VTI1A: variants seen among roughly 807,000 people sequenced by gnomAD.
VTI1A encodes vesicle transport through interaction with t-SNAREs homolog 1A.
Under a neutral mutation model 34.9 loss-of-function variants are expected in VTI1A, and 22 were observed. That is an observed-to-expected ratio of 0.63 (90% CI 0.45 to 0.90). The LOEUF (loss-of-function observed/expected upper bound fraction) is 0.90. Among genes scored for constraint, VTI1A ranks in the 40% least tolerant of loss-of-function variants. The pLI, the probability that VTI1A is intolerant of heterozygous loss-of-function variation, is 0.00. For missense variants in VTI1A, 268 were observed against 275.6 expected (o/e 0.97, Z 0.20); for synonymous variants, 87 against 97.3 (o/e 0.89, Z 0.62).
At chr10:112,797,550 T>G (rs1590193653) in intron 7 of VTI1A, among the ~76,000 whole-genome samples, 1 of 70,872 alleles carries the variant, frequency 1.4e-5, no homozygotes, top group East Asian at 4.7e-4. Flanking sequence ...TGAAAGGAGA[T>G]TCAAGAAAAA....
intron 7 of VTI1A, among the ~76,000 whole-genome samples, chr10:112,677,143 T>C (rs1005160011): frequency 6.6e-6 from 1 of 152,188 alleles, no homozygotes; most frequent in Non-Finnish European, 1.5e-5. Flanking sequence ...ACAGACAGAC[T>C]GAGAATGGAT....
intron 7 of VTI1A, among the ~76,000 whole-genome samples, chr10:112,691,205 G>A (rs2133880087): frequency 6.6e-6 from 1 of 151,822 alleles, no homozygotes; most frequent in East Asian, 1.9e-4. Flanking sequence ...AGGTTGCAGT[G>A]AGCCAAGACC....
chr10:112,534,977 G>A (rs1226846372), intron 4 of VTI1A, among the ~76,000 whole-genome samples: 2 of 152,122 alleles, frequency 1.3e-5, no homozygotes, highest in East Asian at 3.8e-4. Flanking sequence ...GTATTAAATT[G>A]TGGCTTATTG....
At chr10:112,603,006 G>A (rs1469640191) in intron 5 of VTI1A, among the ~76,000 whole-genome samples, 2 of 152,118 alleles carry the variant, frequency 1.3e-5, no homozygotes, top group Non-Finnish European at 2.9e-5. Flanking sequence ...AGTTATCTGT[G>A]GTCAGAAGTG....
At chr10:112,532,607 T>G (rs1430064692) in intron 4 of VTI1A, among the ~76,000 whole-genome samples, 2 of 152,194 alleles carry the variant, frequency 1.3e-5, no homozygotes, top group African/African-American at 4.8e-5. Context: ...AACAGCTTGT[T>G]TTATCTGTTA....
intron 3 of VTI1A, among the ~76,000 whole-genome samples, chr10:112,491,462 G>A (rs1848817457): frequency 6.6e-6 from 1 of 152,154 alleles, no homozygotes; most frequent in African/African-American, 2.4e-5. Context: ...TCTGAGATGT[G>A]ATTCTTTTTA....
intron 3 of VTI1A, among the ~76,000 whole-genome samples, chr10:112,505,244 T>G (rs1849386271): frequency 6.6e-6 from 1 of 152,196 alleles, no homozygotes; most frequent in Non-Finnish European, 1.5e-5. Context: ...CCTGTTTGTC[T>G]TGTCTTTAAT....
intron 7 of VTI1A, among the ~76,000 whole-genome samples, chr10:112,788,162 A>T (rs1396082786): frequency 2.0e-5 from 3 of 151,840 alleles, no homozygotes; most frequent in Non-Finnish European, 4.4e-5. Context: ...ATAAATGTTG[A>T]TTTCTATATC....
chr10:112,545,296 A>G (rs1029108779), intron 5 of VTI1A, among the ~76,000 whole-genome samples: 5 of 152,254 alleles, frequency 3.3e-5, no homozygotes, highest in African/African-American at 1.2e-4. Flanking sequence ...TTGTAGGGAC[A>G]AATGGACAGT....
chr10:112,745,806 G>A (rs1361704766), intron 7 of VTI1A, among the ~76,000 whole-genome samples: 1 of 152,172 alleles, frequency 6.6e-6, no homozygotes, highest in African/African-American at 2.4e-5. Flanking sequence ...CTTGGAAGGA[G>A]CCCAAACAAG....
chr10:112,736,107 G>GTATATA (rs1468293852), intron 7 of VTI1A, among the ~76,000 whole-genome samples: 2,643 of 100,614 alleles, frequency 0.026, 112 homozygotes, highest in East Asian at 0.14. Flanking sequence ...ATATATGTGT[G>GTATATA]TGTGTATATA....
At chr10:112,508,050 G>C (rs1220520893) in intron 3 of VTI1A, among the ~76,000 whole-genome samples, 1 of 151,906 alleles carries the variant, frequency 6.6e-6, no homozygotes, top group Non-Finnish European at 1.5e-5. Flanking sequence ...TATTTGTTAA[G>C]GTGCAAACAA....
At chr10:112,831,594 C>G in the VTI1A span, 1 of 152,206 alleles carries the variant, frequency 6.6e-6, no homozygotes, top group South Asian at 2.1e-4. Context: ...CCCGCCGAGC[C>G]TCCAGCGCTG....
the VTI1A span, among the ~76,000 whole-genome samples, chr10:112,843,414 A>C: frequency 6.6e-6 from 1 of 152,374 alleles, no homozygotes; most frequent in African/African-American, 2.4e-5. Flanking sequence ...GGCTGTATAT[A>C]GGATGAGCAG....
At chr10:112,632,701 G>A (rs1846180330) in intron 5 of VTI1A, among the ~76,000 whole-genome samples, 1 of 152,134 alleles carries the variant, frequency 6.6e-6, no homozygotes, top group Non-Finnish European at 1.5e-5. Context: ...TAACCATAAG[G>A]GGGTTAGGGA....
intron 7 of VTI1A, among the ~76,000 whole-genome samples, chr10:112,685,922 A>G (rs1436461740): frequency 1.3e-5 from 2 of 152,146 alleles, no homozygotes; most frequent in Admixed American, 1.3e-4. Flanking sequence ...ATCCTTCCCA[A>G]GCTTACCCTG....
intron 7 of VTI1A, among the ~76,000 whole-genome samples, chr10:112,714,644 G>A (rs1350445828): frequency 1.3e-5 from 2 of 152,208 alleles, no homozygotes; most frequent in Non-Finnish European, 2.9e-5. Context: ...TGTTTGGGAT[G>A]AGCTGACTTT....
intron 7 of VTI1A, among the ~76,000 whole-genome samples, chr10:112,784,136 G>A (rs1029909233): frequency 1.3e-5 from 2 of 152,154 alleles, no homozygotes; most frequent in Non-Finnish European, 2.9e-5. Context: ...TTCAGACCTT[G>A]AACTTAACGC....
chr10:112,795,405 T>C (rs140306867), intron 7 of VTI1A, among the ~76,000 whole-genome samples: 1 of 152,182 alleles, frequency 6.6e-6, no homozygotes, highest in East Asian at 1.9e-4. Flanking sequence ...CCTTGTTCTT[T>C]TTTCTCCTAC....
Sources: gnomAD v4.1 joint callset for allele counts (sites outside exome capture counted in the v4.1 genomes callset) on GRCh38, gnomAD v4.1.1 for gene constraint, MANE v1.5 for transcripts, NCBI Gene and HGNC (gene_info 2026-07-23, HGNC 2026-07-21) for gene names.